TRIM26: variants seen among roughly 807,000 people sequenced by gnomAD.
The protein encoded by TRIM26 is tripartite motif-containing protein 26.
Under a neutral mutation model 45.5 loss-of-function variants are expected in TRIM26, and 16 were observed. The observed-to-expected ratio is 0.35, with a 90% confidence interval of 0.24 to 0.53. The LOEUF (loss-of-function observed/expected upper bound fraction) is 0.53. Ranked by LOEUF, TRIM26 falls within the 20% of genes least tolerant of loss-of-function variation. The pLI, the probability that TRIM26 is intolerant of heterozygous loss-of-function variation, is 0.92. For synonymous variants in TRIM26, 273 were observed against 290.4 expected, an observed-to-expected ratio of 0.94 and a Z score of 0.61; for missense variants, 442 against 691.1, an observed-to-expected ratio of 0.64 and a Z score of 4.04.
chr6:30,194,151 G>A lies in TRIM26; in HGVS notation c.765+2365C>T, dbSNP rs575248380. On this transcript the variant is annotated intron_variant, in intron 6 of 9. Coordinates refer to ENST00000454678, the MANE Select transcript of TRIM26 (RefSeq NM_003449.5). The stretch of plus-strand genomic sequence containing the variant: ...TACCTGCACACTCATGTTTATTGTG[G>A]CACTATTCACAATAGTTGAGATGTG... 1.3e-4 allele frequency among the ~76,000 whole-genome samples: 20 copies of A among 152,246 alleles called. No individual in the cohort carries two copies. In the South Asian group the frequency reaches 3.5e-3, roughly 27 times the overall value.
intron 3 of TRIM26, among the ~76,000 whole-genome samples, chr6:30,200,550 C>A (rs1170745060): frequency 6.6e-6 from 1 of 152,214 alleles, no homozygotes; most frequent in Non-Finnish European, 1.5e-5. Flanking sequence ...TGGCAGGAAT[C>A]CTCAGGTGGC....
At position 30,185,836 on chromosome 6, in the gene TRIM26, G is replaced by A. The variant is rs773045600; in HGVS notation, c.*40C>T. On this transcript the variant is annotated 3_prime_UTR_variant, in exon 10 of 10. Coordinates refer to ENST00000454678, the MANE Select transcript of TRIM26 (RefSeq NM_003449.5). This position sits in a 1 kb window ranked among gnomAD's most constrained non-coding sequence, Gnocchi z 5.7. The stretch of plus-strand genomic sequence containing the variant: ...GAGAGTCCTGGAATTCCAAAGAAGT[G>A]AAGCATCTGAGGGTTGGGGCTGGGG... 6.4e-7 allele frequency: 1 copy of A among 1,570,296 alleles called. No homozygotes were observed. The highest frequency in any genetic ancestry group is 1.8e-5 in the Admixed American group (1 of 55,544).
chr6:30,191,830 C>T (rs1013116530), intron 6 of TRIM26, among the ~76,000 whole-genome samples: 2 of 152,212 alleles, frequency 1.3e-5, no homozygotes, highest in African/African-American at 4.8e-5. Flanking sequence ...CTTCAGAGGA[C>T]AGGCAACAAA....
intron 9 of TRIM26, chr6:30,187,495 C>G (rs1435620548): frequency 3.8e-6 from 2 of 523,778 alleles, no homozygotes; most frequent in East Asian, 5.5e-5. Flanking sequence ...GTAACTTCAT[C>G]CCCTTTTGCA....
At chr6:30,188,243 G>GAAAAT in intron 9 of TRIM26, 3 of 146,386 alleles carry the variant, frequency 2.0e-5, no homozygotes, top group South Asian at 2.9e-4. Context: ...AAAAAAAAAA[G>GAAAAT]AAATTTGGGA....
intron 6 of TRIM26, among the ~76,000 whole-genome samples, chr6:30,194,500 T>C (rs1776261863): frequency 6.6e-6 from 1 of 152,222 alleles, no homozygotes; most frequent in African/African-American, 2.4e-5. Flanking sequence ...TGATAAGTGT[T>C]TGAGGTGACA....
intron 6 of TRIM26, among the ~76,000 whole-genome samples, chr6:30,193,539 T>C (rs574008400): frequency 7.9e-5 from 12 of 152,246 alleles, no homozygotes; most frequent in South Asian, 2.1e-4. Context: ...TTGCTTAGGA[T>C]TGCTTTGGCC....
rs932600279 is a variant in TRIM26, at chr6:30,207,489, A to C, written c.-375-2724T>G. ...CTCCCCTTTGCTGCCCCAGTGCTGC[A>C]GCCACTCTGGCCTTTTGATCCTCAA... On this transcript the variant is annotated intron_variant, in intron 1 of 9. Coordinates refer to ENST00000454678, the MANE Select transcript of TRIM26 (RefSeq NM_003449.5). The surrounding 1 kb of genome is among the most constrained non-coding windows in gnomAD (Gnocchi z 4.9). Among the ~76,000 whole-genome samples, 28 of 152,206 alleles carry C rather than the reference A, an allele frequency of 1.8e-4. No individual in the cohort carries two copies. The highest frequency in any genetic ancestry group is 1.8e-3 in the Admixed American group (27 of 15,282).
intron 1 of TRIM26, among the ~76,000 whole-genome samples, chr6:30,212,987 A>G (rs1177085314): frequency 6.6e-6 from 1 of 151,904 alleles, no homozygotes; most frequent in East Asian, 1.9e-4. Context: ...TTAGTCGCCT[A>G]TCTACCAGGC....
At chr6:30,200,968 A>C (rs1777104491) in intron 3 of TRIM26, 67 bp downstream of exon 3, 1 of 152,250 alleles carries the variant, frequency 6.6e-6, no homozygotes, top group African/African-American at 2.4e-5. Context: ...CAAAAGAGGA[A>C]GTGAGCAGAA....
intron 6 of TRIM26, among the ~76,000 whole-genome samples, chr6:30,192,472 T>A (rs1197357352): frequency 6.6e-6 from 1 of 152,130 alleles, no homozygotes; most frequent in Non-Finnish European, 1.5e-5. Flanking sequence ...TCCTTTCCTA[T>A]CACCTCTATC....
Position 30,196,522 on chromosome 6 carries a change from G to C in TRIM26, c.759C>G (p.Leu253=). The C allele has an allele frequency of 6.2e-7, 1 of 1,607,544 alleles. No individual in the cohort carries two copies. The highest frequency in any genetic ancestry group is 8.5e-7 in the Non-Finnish European group (1 of 1,179,940). The change falls in exon 6 of 10, where the codon CTC becomes CTG. Residue 253 remains leucine (L), a synonymous_variant. Coordinates refer to ENST00000454678, the MANE Select transcript of TRIM26 (RefSeq NM_003449.5). The surrounding 1 kb of genome is among the most constrained non-coding windows in gnomAD (Gnocchi z 4.9). ...EGKAQQPAAE[L]MQDTRDFLNR... is the part of the protein sequence containing the mutation. ...CCCAGGGACGGCCTCTCACCTGCATGAGCTCTGCAGCTGGCTGCTGCGCCT... is the reference window on the plus strand; with the variant it reads ...CCCAGGGACGGCCTCTCACCTGCATCAGCTCTGCAGCTGGCTGCTGCGCCT...
intron 9 of TRIM26, chr6:30,188,393 C>A: frequency 2.8e-6 from 1 of 353,656 alleles, no homozygotes; most frequent in African/African-American, 2.2e-5. Flanking sequence ...AAACCCTGAA[C>A]AGGTACTGAC....
At position 30,185,949 on chromosome 6, in the gene TRIM26, G is replaced by T; in HGVS notation, c.1547C>A (p.Ala516Asp). The T allele has an allele frequency of 6.2e-7, 1 of 1,613,026 alleles. No individual in the cohort carries two copies. The highest frequency in any genetic ancestry group is 8.5e-7 in the Non-Finnish European group (1 of 1,180,006). Reference sequence around the variant, plus strand: ...GGGGACCAGGCGCCGGGTGAAGGTGGCAGTGAAGGTGTAGATGAGTTCCTG... The same window carrying T: ...GGGGACCAGGCGCCGGGTGAAGGTGTCAGTGAAGGTGTAGATGAGTTCCTG... Reference protein sequence around the residue: ...ESQELIYTFTATFTRRLVPFL... With the variant: ...ESQELIYTFTDTFTRRLVPFL... The change falls in exon 10 of 10, where the codon GCC (alanine) becomes GAC (aspartate). Residue 516 changes from alanine to aspartate, a missense_variant. Coordinates refer to ENST00000454678, the MANE Select transcript of TRIM26 (RefSeq NM_003449.5). This position sits in a 1 kb window ranked among gnomAD's most constrained non-coding sequence, Gnocchi z 5.7.
Position 30,185,666 on chromosome 6 carries a change from G to T in TRIM26, c.*210C>A, listed in dbSNP as rs1775078970. 3.3e-6 allele frequency: 2 copies of T among 600,404 alleles called. No homozygotes were observed. Among genetic ancestry groups the T allele is most frequent in the South Asian group, 2.4e-5 (1 of 42,224 alleles). 37.2% of individuals were successfully genotyped at this position (600,404 alleles called of 1,614,324 possible). A position where few individuals can be genotyped will look rare whatever the true frequency, so the allele number is the denominator to read the frequency against. On this transcript the variant is annotated 3_prime_UTR_variant, in exon 10 of 10. Transcript: ENST00000454678. This position sits in a 1 kb window ranked among gnomAD's most constrained non-coding sequence, Gnocchi z 5.7. ...AGTTCCCTCGGGAAACCAGCAGGAG[G>T]TGGGAAAAGAGCCCCATTAGGGCAG...
intron 6 of TRIM26, among the ~76,000 whole-genome samples, chr6:30,193,193 T>TTTTTTTTTTTC (rs41316756): frequency 4.4e-5 from 3 of 68,142 alleles, no homozygotes; most frequent in African/African-American, 6.2e-5. Flanking sequence ...TTTTTTTTTT[T>TTTTTTTTTTTC]TTTTTTTTAA....
chr6:30,189,066 G>T lies in TRIM26; in HGVS notation c.937+101C>A. On this transcript the variant is annotated intron_variant, in intron 9 of 9. Transcript: ENST00000454678. This position sits in a 1 kb window ranked among gnomAD's most constrained non-coding sequence, Gnocchi z 5.0. ...GTGCAGCTGGGAAATTCTTCCTGTTGCAAAAGGGGCTACCTGGGGGAAAAG... is the reference window on the plus strand; with the variant it reads ...GTGCAGCTGGGAAATTCTTCCTGTTTCAAAAGGGGCTACCTGGGGGAAAAG... 1 of 1,338,706 alleles carries T rather than the reference G, an allele frequency of 7.5e-7. No individual in the cohort carries two copies. Among genetic ancestry groups the T allele is most frequent in the Non-Finnish European group, 1.0e-6 (1 of 969,242 alleles). 82.9% of individuals were successfully genotyped at this position (1,338,706 alleles called of 1,614,324 possible).
chr6:30,199,865 C>T (rs557203386), intron 3 of TRIM26, among the ~76,000 whole-genome samples: 3 of 152,064 alleles, frequency 2.0e-5, no homozygotes, highest in South Asian at 2.1e-4. Context: ...CTTGATCTCC[C>T]GACCTCGTGA....
At position 30,199,113 on chromosome 6, in the gene TRIM26, A is replaced by G; in HGVS notation, c.-10T>C. 6.5e-7 allele frequency: 1 copy of G among 1,540,242 alleles called. No homozygotes were observed. Among genetic ancestry groups the G allele is most frequent in the East Asian group, 2.3e-5 (1 of 44,062 alleles). On this transcript the variant is annotated 5_prime_UTR_variant, in exon 4 of 10. Coordinates refer to ENST00000454678, the MANE Select transcript of TRIM26 (RefSeq NM_003449.5). ...GGGCTGACGTGGCCATGGTATCCTT[A>G]GTTCAGAGAGGTCTCCGTTCACTGG...
Sources: gnomAD v4.1 joint callset for allele counts (sites outside exome capture counted in the v4.1 genomes callset) on GRCh38, gnomAD v4.1.1 for gene constraint, Gnocchi (gnomAD v3.1) non-coding constraint, MANE v1.5 for transcripts, NCBI Gene and HGNC (gene_info 2026-07-23, HGNC 2026-07-21) for gene names.